The following INPP4B variants were observed in gnomAD, a reference collection of about 807,000 sequenced individuals.
INPP4B encodes the protein inositol polyphosphate 4-phosphatase type II.
In INPP4B, 55 loss-of-function variants were observed where a neutral mutation model predicts 122.5. That is an observed-to-expected ratio of 0.45 (90% confidence interval 0.36 to 0.56). The LOEUF (loss-of-function observed/expected upper bound fraction) is 0.56, where lower values mean the gene tolerates loss of function less well. Among genes scored for constraint, INPP4B ranks in the 20% least tolerant of loss-of-function variants. INPP4B has a pLI of 0.00. For synonymous variants in INPP4B, 403 were observed against 388.7 expected (o/e 1.04, Z -0.43); for missense variants, 1,000 against 1,097.7 (o/e 0.91, Z 1.26).
At chr4:142,028,955 A>C in intron 25 of INPP4B, 41 bp from the exon 26 acceptor site, 1 of 1,587,018 alleles carries the variant, frequency 6.3e-7, no homozygotes, top group Non-Finnish European at 8.6e-7. Flanking sequence ...GAAACACAGA[A>C]TAAATAAATA....
rs143174537 is a variant in INPP4B, at chr4:142,579,529, A to T, written c.-190-116803T>A. Among the ~76,000 whole-genome samples the T allele has an allele frequency of 3.3e-3, 495 of 152,098 alleles. 6 individuals are homozygous for T. Among genetic ancestry groups the T allele is most frequent in the East Asian group, 0.018 (92 of 5,150 alleles). On this transcript the variant is annotated intron_variant, in intron 2 of 25. Coordinates refer to ENST00000262992, the MANE Select transcript of INPP4B (RefSeq NM_001101669.3). ...TAACATTTAAATTGGTAGGCTTAGT[A>T]AAGCAGATTGCCCTTTGTAATGTGA...
intron 15 of INPP4B, among the ~76,000 whole-genome samples, chr4:142,178,652 A>G (rs1907135): frequency 0.66 from 99,526 of 151,818 alleles, 37,585 homozygotes; most frequent in Non-Finnish European, 0.83. Context: ...AGGCAAGGAG[A>G]AAAACAAGAA....
intron 15 of INPP4B, among the ~76,000 whole-genome samples, chr4:142,192,183 G>A (rs1836151488): frequency 6.6e-6 from 1 of 151,318 alleles, no homozygotes; most frequent in Non-Finnish European, 1.5e-5. Context: ...GTGGAGGAGG[G>A]TGAGGATTGA....
intron 2 of INPP4B, among the ~76,000 whole-genome samples, chr4:142,467,439 C>T (rs79884727): frequency 0.031 from 4,655 of 152,140 alleles, 269 homozygotes; most frequent in African/African-American, 0.11. Context: ...GGGCCTATTG[C>T]CCCCCTTTTT....
At chr4:142,346,457 A>G (rs1268378113) in intron 7 of INPP4B, among the ~76,000 whole-genome samples, 1 of 152,048 alleles carries the variant, frequency 6.6e-6, no homozygotes, top group African/African-American at 2.4e-5. Flanking sequence ...ATTAGACTAG[A>G]AAAAGTGACA....
intron 12 of INPP4B, among the ~76,000 whole-genome samples, chr4:142,229,266 C>T (rs537145030): frequency 6.6e-6 from 1 of 151,830 alleles, no homozygotes; most frequent in South Asian, 2.1e-4. Flanking sequence ...CTGTAGGGAA[C>T]CATTTGTGAA....
chr4:142,826,415 G>T (rs1375172436), intron 1 of INPP4B, among the ~76,000 whole-genome samples: 1 of 151,804 alleles, frequency 6.6e-6, no homozygotes, highest in Non-Finnish European at 1.5e-5. Context: ...ATTTTGCCTG[G>T]TGTCCTCAAA....
intron 25 of INPP4B, among the ~76,000 whole-genome samples, chr4:142,051,468 G>C (rs894315562): frequency 6.6e-6 from 1 of 151,870 alleles, no homozygotes; most frequent in African/African-American, 2.4e-5. Flanking sequence ...GCTATTTCTT[G>C]GACTTGGGTG....
chr4:142,697,395 A>C (rs1321433384), intron 2 of INPP4B, among the ~76,000 whole-genome samples: 2 of 152,220 alleles, frequency 1.3e-5, no homozygotes, highest in African/African-American at 2.4e-5. Context: ...AATTATATAC[A>C]TGAGTGAATA....
intron 2 of INPP4B, among the ~76,000 whole-genome samples, chr4:142,486,234 C>T (rs576996263): frequency 6.6e-6 from 1 of 152,224 alleles, no homozygotes; most frequent in Non-Finnish European, 1.5e-5. Flanking sequence ...AGTGGTGTAC[C>T]ATTTTCTACT....
intron 2 of INPP4B, among the ~76,000 whole-genome samples, chr4:142,531,314 A>G (rs1253566808): frequency 1.3e-5 from 2 of 151,222 alleles, no homozygotes; most frequent in African/African-American, 2.4e-5. Flanking sequence ...GGGAGGGGAG[A>G]CAGGGAGGGG....
intron 16 of INPP4B, among the ~76,000 whole-genome samples, chr4:142,167,967 G>T (rs1823634618): frequency 6.7e-6 from 1 of 148,464 alleles, no homozygotes; most frequent in African/African-American, 2.6e-5. Context: ...AGAGTTAGCA[G>T]GATTTTTTTT....
intron 25 of INPP4B, among the ~76,000 whole-genome samples, chr4:142,043,307 A>G (rs114853000): frequency 0.016 from 2,388 of 152,360 alleles, 81 homozygotes; most frequent in African/African-American, 0.055. Context: ...AATAACATGT[A>G]CATGGCTTAA....
chr4:142,369,534 A>C (rs115723502), intron 7 of INPP4B, among the ~76,000 whole-genome samples: 3,026 of 151,576 alleles, frequency 0.02, 119 homozygotes, highest in African/African-American at 0.069. Flanking sequence ...CTGTAATCAT[A>C]CCACTGCATT....
At chr4:142,130,552 G>A (rs927484115) in intron 18 of INPP4B, among the ~76,000 whole-genome samples, 1 of 152,146 alleles carries the variant, frequency 6.6e-6, no homozygotes, top group African/African-American at 2.4e-5. Context: ...GAAACAATGT[G>A]TATCAGACAG....
intron 3 of INPP4B, among the ~76,000 whole-genome samples, chr4:142,444,376 GAC>G (rs1419489683): frequency 1.3e-5 from 2 of 152,010 alleles, no homozygotes. Context: ...CTCAAAATAA[GAC>G]ATTTATGTGG....
At chr4:142,817,706 C>A (rs1780278708) in intron 1 of INPP4B, among the ~76,000 whole-genome samples, 1 of 152,168 alleles carries the variant, frequency 6.6e-6, no homozygotes, top group Non-Finnish European at 1.5e-5. Flanking sequence ...CCCAGGAAGT[C>A]AGCTTTCAAC....
intron 25 of INPP4B, among the ~76,000 whole-genome samples, chr4:142,055,418 A>T (rs10033197): frequency 0.024 from 3,658 of 152,142 alleles, 132 homozygotes; most frequent in African/African-American, 0.074. Context: ...ATCTATCCCC[A>T]ATTCATAAAG....
At chr4:142,479,540 G>A (rs1820231379) in intron 2 of INPP4B, among the ~76,000 whole-genome samples, 1 of 152,056 alleles carries the variant, frequency 6.6e-6, no homozygotes, top group Non-Finnish European at 1.5e-5. Flanking sequence ...ATTCACAATA[G>A]CAAAGTCAAG....
Sources: allele counts gnomAD v4.1 joint callset (sites outside exome capture counted in the v4.1 genomes callset), GRCh38; gene constraint gnomAD v4.1.1; transcripts MANE v1.5; gene names NCBI Gene and HGNC (gene_info 2026-07-23, HGNC 2026-07-21).